The following GLMN variants were observed in gnomAD, a reference collection of about 807,000 sequenced individuals.
GLMN encodes glomulin, FKBP associated protein.
GLMN carries 75 observed loss-of-function variants against 87.8 expected under a neutral mutation model. The observed-to-expected ratio is 0.85, with a 90% CI of 0.71 to 1.04. The LOEUF (loss-of-function observed/expected upper bound fraction) is 1.04, where lower values mean the gene tolerates loss of function less well. Among genes scored for constraint, GLMN ranks in the 50% least tolerant of loss-of-function variants. The pLI is 0.00. For synonymous variants in GLMN, 206 were observed against 221.6 expected, an observed-to-expected ratio of 0.93 and a Z score of 0.63; for missense variants, 588 against 658.8, an observed-to-expected ratio of 0.89 and a Z score of 1.18.
At chr1:92,360,830 C>G in the GLMN span, among the ~76,000 whole-genome samples, 5 of 152,172 alleles carry the variant, frequency 3.3e-5, no homozygotes, top group East Asian at 9.6e-4. Flanking sequence ...ACATTCATTA[C>G]TGTATTATTA....
chr1:92,276,099 C>T (rs1647261880), intron 7 of GLMN, among the ~76,000 whole-genome samples: 1 of 151,962 alleles, frequency 6.6e-6, no homozygotes, highest in Admixed American at 6.6e-5. Context: ...CTGGGGTATG[C>T]CTGTAAGTCC....
upstream of GLMN, among the ~76,000 whole-genome samples, chr1:92,301,286 C>A (rs939651264): frequency 6.6e-6 from 1 of 152,002 alleles, no homozygotes; most frequent in Non-Finnish European, 1.5e-5. Context: ...GAGCTCGAGA[C>A]CAGTTTGAGC....
intron 14 of GLMN, 135 bp from the exon 15 acceptor site, chr1:92,263,867 T>A: frequency 1.5e-6 from 1 of 679,052 alleles, no homozygotes. Flanking sequence ...CGTACTTTCA[T>A]TCACTTTCCA....
At position 92,291,529 on chromosome 1, in the gene GLMN, G is replaced by C; in HGVS notation, c.174C>G (p.Ile58Met). Residue 58 changes from isoleucine to methionine, a missense_variant, in exon 4 of 19, where the codon ATC becomes ATG. Ile to Met is a conservative substitution (Grantham distance 10, BLOSUM62 1). Coordinates refer to ENST00000370360, the MANE Select transcript of GLMN (RefSeq NM_053274.3). ...CAACGAGATTCCAGCCCATATTCTT[G>C]ATGATGACCTGTAAAAACATTTTCA... The part of the protein sequence containing the change: ...IIQNEKNKVI[I>M]KNMGWNLVGP... 1 of 1,613,518 alleles carries C rather than the reference G, an allele frequency of 6.2e-7. No individual in the cohort carries two copies. The highest frequency in any genetic ancestry group is 8.5e-7 in the Non-Finnish European group (1 of 1,179,558).
At chr1:92,314,861 A>G in the GLMN span, among the ~76,000 whole-genome samples, 11 of 152,194 alleles carry the variant, frequency 7.2e-5, 1 homozygote, top group South Asian at 2.1e-3. Flanking sequence ...CCTGGCCAAC[A>G]TGGCAAAACC....
intron 16 of GLMN, among the ~76,000 whole-genome samples, chr1:92,257,167 T>A (rs1654384227): frequency 6.6e-6 from 1 of 151,972 alleles, no homozygotes; most frequent in African/African-American, 2.4e-5. Context: ...ACAAAGAGAA[T>A]AAAATACCTA....
chr1:92,272,881 A>C (rs1015910397), intron 7 of GLMN, among the ~76,000 whole-genome samples: 9 of 152,222 alleles, frequency 5.9e-5, no homozygotes, highest in Non-Finnish European at 1.0e-4. Flanking sequence ...ATTGATTTTG[A>C]GTTTTGGCTC....
chr1:92,359,915 G>A, the GLMN span, among the ~76,000 whole-genome samples: 3 of 151,912 alleles, frequency 2.0e-5, no homozygotes, highest in Non-Finnish European at 4.4e-5. Flanking sequence ...GGGGAGGGAG[G>A]GGAAACAGAC....
At chr1:92,295,351 C>T (rs1314037348) in intron 3 of GLMN, among the ~76,000 whole-genome samples, 1 of 151,960 alleles carries the variant, frequency 6.6e-6, no homozygotes, top group African/African-American at 2.4e-5. Context: ...CTTCAATTAC[C>T]CAATCTTTAG....
rs903379664 is a variant in GLMN, at chr1:92,248,561, A to T, written c.1474-572T>A. On this transcript the variant is annotated intron_variant, in intron 16 of 18. Transcript: ENST00000370360. ...CTTACAGTACTAATGGAGAGGACTC[A>T]TGAAGTCTTTATTTTAAAAAATAGA... 5.3e-5 allele frequency among the ~76,000 whole-genome samples: 8 copies of T among 152,186 alleles called. 1 individual carries two copies. The highest frequency in any genetic ancestry group is 2.0e-4 in the Admixed American group (3 of 15,280).
chr1:92,321,487 T>C, the GLMN span, among the ~76,000 whole-genome samples: 1 of 151,982 alleles, frequency 6.6e-6, no homozygotes, highest in Non-Finnish European at 1.5e-5. Flanking sequence ...TTTTTTTCTT[T>C]ACATTTCCCC....
At chr1:92,330,523 C>T in the GLMN span, among the ~76,000 whole-genome samples, 1 of 133,128 alleles carries the variant, frequency 7.5e-6, no homozygotes, top group Non-Finnish European at 1.5e-5. Flanking sequence ...TCTTGGCTCA[C>T]TGCAAACTCC....
intron 16 of GLMN, among the ~76,000 whole-genome samples, chr1:92,260,445 A>G (rs775513881): frequency 6.6e-6 from 1 of 151,292 alleles, no homozygotes; most frequent in Non-Finnish European, 1.5e-5. Context: ...ATGAAACCCC[A>G]TCTCTAGTAA....
chr1:92,249,384 A>G (rs1653142485), intron 16 of GLMN, among the ~76,000 whole-genome samples: 2 of 150,776 alleles, frequency 1.3e-5, no homozygotes, highest in South Asian at 4.2e-4. Flanking sequence ...AATTTGGGTT[A>G]TATGCAGCAG....
intron 16 of GLMN, among the ~76,000 whole-genome samples, chr1:92,249,668 T>C (rs1239208503): frequency 3.3e-5 from 5 of 152,186 alleles, no homozygotes; most frequent in South Asian, 4.1e-4. Context: ...CATTGAAATA[T>C]ACAATATATT....
the GLMN span, among the ~76,000 whole-genome samples, chr1:92,340,672 G>A: frequency 2.0e-5 from 3 of 152,134 alleles, no homozygotes; most frequent in African/African-American, 7.2e-5. Flanking sequence ...ATTCTAATAG[G>A]TAGCCAGAGT....
chr1:92,327,682 T>C, the GLMN span, among the ~76,000 whole-genome samples: 1 of 152,166 alleles, frequency 6.6e-6, no homozygotes, highest in East Asian at 1.9e-4. Context: ...TGAGGTACTA[T>C]TCTATTCATC....
intron 7 of GLMN, among the ~76,000 whole-genome samples, chr1:92,271,889 T>C (rs543688446): frequency 6.6e-6 from 1 of 152,322 alleles, no homozygotes; most frequent in East Asian, 1.9e-4. Flanking sequence ...CCCAAATCAG[T>C]AGATTTTGAG....
the GLMN span, among the ~76,000 whole-genome samples, chr1:92,306,851 A>T: frequency 6.6e-6 from 1 of 152,216 alleles, no homozygotes; most frequent in African/African-American, 2.4e-5. Context: ...AATGTATAAC[A>T]ATATTATTCC....
Sources: allele counts gnomAD v4.1 joint callset (sites outside exome capture counted in the v4.1 genomes callset), GRCh38; gene constraint gnomAD v4.1.1; transcripts MANE v1.5; gene names NCBI Gene and HGNC (gene_info 2026-07-23, HGNC 2026-07-21).